Variants in ANKRD13B observed in about 807,000 individuals in gnomAD.
The protein encoded by ANKRD13B is ankyrin repeat domain-containing protein 13B.
Under a neutral mutation model 74.4 loss-of-function variants are expected in ANKRD13B, and 33 were observed. The ratio of observed to expected loss-of-function variants is 0.44; its 90% CI spans 0.34 to 0.59. The LOEUF (loss-of-function observed/expected upper bound fraction) is 0.59. ANKRD13B is among the 20% of genes least tolerant of loss of function. The probability of loss-of-function intolerance (pLI) is 0.02; values close to 1 mark genes in which losing one functional copy is unlikely to be tolerated. For synonymous variants in ANKRD13B, 341 were observed against 362.9 expected, an observed-to-expected ratio of 0.94 and a Z score of 0.68; for missense variants, 676 against 877.9, an observed-to-expected ratio of 0.77 and a Z score of 2.91.
Position 29,607,986 on chromosome 17 carries a change from T to C in ANKRD13B, c.251T>C (p.Val84Ala). The C allele has an allele frequency of 6.2e-7, 1 of 1,603,042 alleles. No individual in the cohort carries two copies. Residue 84 changes from valine to alanine, a missense_variant and splice_region_variant, in exon 3 of 15, where the codon GTG becomes GCG. Around this residue, in one of 4 missense-constraint regions of ANKRD13B, gnomAD observed 328 missense variants for 518.4 expected, o/e 0.63. Coordinates refer to ENST00000394859, the MANE Select transcript of ANKRD13B (RefSeq NM_152345.5). The part of the protein sequence containing the change: ...VGRENRSGWT[V>A]LQEAVSTRDL... ...GTGACCTTGCCTCGCCCTCCCCCAG[T>C]GCTCCAGGAGGCTGTGAGTACCCGG... is the stretch of plus-strand genomic sequence containing the variant.
chr17:29,593,895 A>ATGGGAACGGGCCCTGCCCGC, intron 1 of ANKRD13B, 160 bp downstream of exon 1: 6 of 315,506 alleles, frequency 1.9e-5, no homozygotes, highest in Non-Finnish European at 2.8e-5. Context: ...GGAAAGGGTG[A>ATGGGAACGGGCCCTGCCCGC]TCCCCTCCGG....
Position 29,613,606 on chromosome 17 carries a change from A to G in ANKRD13B, c.*24A>G. On this transcript the variant is annotated 3_prime_UTR_variant, in exon 15 of 15. Transcript: ENST00000394859. ...AGCGCCCCCTGCCGGGACCCTCGCC[A>G]GCGCCACGCGCGCCACGCCCAGGGC... 1 of 1,399,748 alleles carries G rather than the reference A, an allele frequency of 7.1e-7. No individual in the cohort carries two copies. Among genetic ancestry groups the G allele is most frequent in the Non-Finnish European group, 9.3e-7 (1 of 1,076,048 alleles). 86.7% of individuals were successfully genotyped at this position (1,399,748 alleles called of 1,614,324 possible).
chr17:29,603,096 G>A (rs1364022924), intron 1 of ANKRD13B, among the ~76,000 whole-genome samples: 1 of 152,174 alleles, frequency 6.6e-6, no homozygotes, highest in Non-Finnish European at 1.5e-5. Flanking sequence ...TGATCCACCC[G>A]CCTTGGCCTC....
At chr17:29,597,826 C>T (rs2034006652) in intron 1 of ANKRD13B, among the ~76,000 whole-genome samples, 1 of 151,950 alleles carries the variant, frequency 6.6e-6, no homozygotes, top group Non-Finnish European at 1.5e-5. Flanking sequence ...GGGGAGTGCT[C>T]CTGAGGTGTG....
intron 1 of ANKRD13B, among the ~76,000 whole-genome samples, chr17:29,594,407 TGAG>T: frequency 6.6e-6 from 1 of 152,250 alleles, no homozygotes; most frequent in Non-Finnish European, 1.5e-5. Flanking sequence ...TGGAAGGACT[TGAG>T]GTTCTGCGCA....
chr17:29,613,291 T>TCCCGGC, intron 14 of ANKRD13B, 63 bp from the exon 15 acceptor site: 1 of 1,385,204 alleles, frequency 7.2e-7, no homozygotes, highest in South Asian at 1.6e-5. Context: ...CCACGCCGTG[T>TCCCGGC]CCCGGCCCCG....
intron 1 of ANKRD13B, among the ~76,000 whole-genome samples, chr17:29,597,570 C>G (rs1464820918): frequency 6.6e-6 from 1 of 152,064 alleles, no homozygotes; most frequent in Non-Finnish European, 1.5e-5. Flanking sequence ...GTGGGGAGGG[C>G]TGGGTGTTGG....
chr17:29,610,593 C>A, intron 7 of ANKRD13B, 92 bp from the exon 8 acceptor site: 1 of 1,153,808 alleles, frequency 8.7e-7, no homozygotes, highest in East Asian at 2.5e-5. Context: ...CTCCAGGACC[C>A]TTTGCTACAG....
chr17:29,613,437 G>C lies in ANKRD13B; in HGVS notation c.1736G>C (p.Gly579Ala). 1 of 1,530,900 alleles carries C rather than the reference G, an allele frequency of 6.5e-7. No individual in the cohort carries two copies. The highest frequency in any genetic ancestry group is 1.2e-5 in the South Asian group (1 of 81,904). 94.8% of individuals were successfully genotyped at this position (1,530,900 alleles called of 1,614,324 possible). A position where few individuals can be genotyped will look rare whatever the true frequency, so the allele number is the denominator to read the frequency against. ...SPRPSSGPGS[G>A]GHVFRSYDEQ... is the part of the protein sequence containing the mutation. ...CGGCCCAGCTCAGGGCCAGGTTCCG[G>C]CGGCCACGTGTTCCGGAGCTACGAC... Residue 579 changes from glycine (G) to alanine (A), a missense_variant, in exon 15 of 15, where the codon GGC becomes GCC. Coordinates refer to ENST00000394859, the MANE Select transcript of ANKRD13B (RefSeq NM_152345.5).
intron 1 of ANKRD13B, among the ~76,000 whole-genome samples, chr17:29,595,521 T>A (rs933952162): frequency 2.6e-5 from 4 of 152,028 alleles, no homozygotes; most frequent in African/African-American, 9.7e-5. Flanking sequence ...CAGGCCTCTC[T>A]GCTGATAATC....
intron 1 of ANKRD13B, among the ~76,000 whole-genome samples, chr17:29,594,513 G>A (rs1159376748): frequency 3.9e-5 from 6 of 152,200 alleles, no homozygotes; most frequent in East Asian, 1.9e-4. Flanking sequence ...AGGGGAAGGG[G>A]GGATGTCTTC....
intron 1 of ANKRD13B, among the ~76,000 whole-genome samples, chr17:29,600,263 T>G (rs1046784231): frequency 2.0e-5 from 3 of 152,168 alleles, no homozygotes; most frequent in Non-Finnish European, 4.4e-5. Context: ...TTGGGTCATA[T>G]TTAAGAATGG....
At position 29,607,750 on chromosome 17, in the gene ANKRD13B, C is replaced by T. The variant is rs765690807; in HGVS notation, c.123C>T (p.Ile41=). ...TCCTCCTCCTCCTCCAGGTGGACAT[C>T]GAGCAGCTGGATCCCCGCGGCCGGA... ...EKEVRAGQVD[I]EQLDPRGRTP... is the part of the protein sequence containing the mutation. Residue 41 remains isoleucine, a synonymous_variant, in exon 2 of 15, where the codon ATC becomes ATT. Coordinates refer to ENST00000394859, the MANE Select transcript of ANKRD13B (RefSeq NM_152345.5). The T allele has an allele frequency of 1.5e-5, 24 of 1,598,288 alleles. No homozygotes were observed. The East Asian group carries it at 1.8e-4, about 12-fold the overall frequency.
At position 29,612,038 on chromosome 17, in the gene ANKRD13B, G is replaced by A; in HGVS notation, c.1100+32G>A. The A allele has an allele frequency of 1.2e-6, 2 of 1,608,786 alleles. No individual in the cohort carries two copies. Among genetic ancestry groups the A allele is most frequent in the Non-Finnish European group, 1.7e-6 (2 of 1,176,732 alleles). On this transcript the variant is annotated intron_variant, in intron 10 of 14. Transcript: ENST00000394859. This position sits in a 1 kb window ranked among gnomAD's most constrained non-coding sequence, Gnocchi z 6.1. Reference sequence around the variant, plus strand: ...CCCCTGCCGGTGCTGGGAAGGTGGGGGGCCGGGGCTCCAGGAGATGCTGGG... The same window carrying A: ...CCCCTGCCGGTGCTGGGAAGGTGGGAGGCCGGGGCTCCAGGAGATGCTGGG...
At chr17:29,601,224 CTT>C (rs534601119) in intron 1 of ANKRD13B, among the ~76,000 whole-genome samples, 25 of 122,126 alleles carry the variant, frequency 2.0e-4, no homozygotes, top group Non-Finnish European at 1.4e-4. Flanking sequence ...GCCTGACATT[CTT>C]TTTTTTTTTT....
At position 29,593,254 on chromosome 17, in the gene ANKRD13B, G is replaced by A. The variant is rs1271507631; in HGVS notation, c.-368G>A. Among the ~76,000 whole-genome samples, 1 of 148,820 alleles carries A rather than the reference G, an allele frequency of 6.7e-6. No individual in the cohort carries two copies. Among genetic ancestry groups the A allele is most frequent in the African/African-American group, 2.4e-5 (1 of 41,012 alleles). On this transcript the variant is annotated 5_prime_UTR_variant, in exon 1 of 15. Coordinates refer to ENST00000394859, the MANE Select transcript of ANKRD13B (RefSeq NM_152345.5). Reference sequence around the variant, plus strand: ...GCGTCCCTGCGGCGGCGTCCCCGGGGCCCGCGTCCCGTGCGCCCCCGCGCC... The same window carrying A: ...GCGTCCCTGCGGCGGCGTCCCCGGGACCCGCGTCCCGTGCGCCCCCGCGCC...
intron 1 of ANKRD13B, among the ~76,000 whole-genome samples, chr17:29,606,192 T>G (rs968279050): frequency 6.7e-6 from 1 of 150,226 alleles, no homozygotes; most frequent in African/African-American, 2.4e-5. Context: ...ATTACAGGCG[T>G]GAGCTACCGC....
At chr17:29,599,876 T>G (rs940679091) in intron 1 of ANKRD13B, among the ~76,000 whole-genome samples, 4 of 119,768 alleles carry the variant, frequency 3.3e-5, no homozygotes, top group South Asian at 2.9e-4. Flanking sequence ...TTTTTTTTTT[T>G]TTTTTTTTTT....
intron 1 of ANKRD13B, among the ~76,000 whole-genome samples, chr17:29,597,056 A>G (rs1359153831): frequency 6.6e-6 from 1 of 152,166 alleles, no homozygotes; most frequent in Non-Finnish European, 1.5e-5. Context: ...AGGTCAAGCA[A>G]CGACTACACC....
Sources: allele counts gnomAD v4.1 joint callset (sites outside exome capture counted in the v4.1 genomes callset), GRCh38; gene constraint gnomAD v4.1.1; regional missense constraint gnomAD v4.1.1; non-coding constraint Gnocchi (gnomAD v3.1); transcripts MANE v1.5; gene names NCBI Gene and HGNC (gene_info 2026-07-23, HGNC 2026-07-21).